Variants in UMAD1 observed in about 807,000 individuals in gnomAD.
UMAD1 encodes UBAP1-MVB12-associated (UMA) domain containing 1.
Under a neutral mutation model 6.1 loss-of-function variants are expected in UMAD1, and 8 were observed. The observed-to-expected ratio is 1.30, with a 90% CI of 0.76 to 2.35. The LOEUF (loss-of-function observed/expected upper bound fraction) is 2.35, where lower values mean the gene tolerates loss of function less well. Among genes scored for constraint, UMAD1 ranks in the 30% most tolerant of loss-of-function variants. The pLI is 0.00. For missense variants in UMAD1, 130 were observed against 78.4 expected, an observed-to-expected ratio of 1.66 and a Z score of -2.49; for synonymous variants, 56 against 31.4, an observed-to-expected ratio of 1.78 and a Z score of -2.61.
At chr7:7,875,282 A>G (rs975293408) in intron 3 of UMAD1, among the ~76,000 whole-genome samples, 2 of 152,210 alleles carry the variant, frequency 1.3e-5, no homozygotes, top group East Asian at 3.8e-4. Context: ...TAAAAGAACT[A>G]GAGAAGCAAG....
chr7:7,649,738 G>A (rs59877058), intron 1 of UMAD1, among the ~76,000 whole-genome samples: 2 of 17,958 alleles, frequency 1.1e-4, no homozygotes, highest in Non-Finnish European at 1.9e-4. Context: ...CCGAATGTTT[G>A]TCTCTCTCCC....
chr7:7,798,673 C>CA (rs937538842), intron 2 of UMAD1, among the ~76,000 whole-genome samples: 15 of 152,294 alleles, frequency 9.8e-5, no homozygotes, highest in African/African-American at 3.6e-4. Flanking sequence ...TTCCCTAACT[C>CA]AGAGTCTAGT....
chr7:7,817,392 A>G (rs915189485), intron 3 of UMAD1, among the ~76,000 whole-genome samples: 1 of 152,230 alleles, frequency 6.6e-6, no homozygotes, highest in Non-Finnish European at 1.5e-5. Flanking sequence ...GACAAAAGAC[A>G]GAAGAACTTG....
intron 2 of UMAD1, among the ~76,000 whole-genome samples, chr7:7,710,500 A>G (rs1049320456): frequency 6.6e-6 from 1 of 152,212 alleles, no homozygotes; most frequent in Non-Finnish European, 1.5e-5. Context: ...TTAAAACCAT[A>G]ATGATAGGTC....
At chr7:7,674,552 C>G (rs1198057307) in intron 2 of UMAD1, among the ~76,000 whole-genome samples, 1 of 152,178 alleles carries the variant, frequency 6.6e-6, no homozygotes, top group Non-Finnish European at 1.5e-5. Flanking sequence ...TTGTTTTCTT[C>G]AGACCAGATC....
intron 1 of UMAD1, among the ~76,000 whole-genome samples, chr7:7,652,537 G>A (rs140526027): frequency 1.8e-3 from 268 of 152,312 alleles, no homozygotes; most frequent in African/African-American, 6.1e-3. Context: ...GGTTGATGCT[G>A]GTTTTATACA....
chr7:7,727,121 A>G (rs1248106445), intron 2 of UMAD1, among the ~76,000 whole-genome samples: 2 of 152,256 alleles, frequency 1.3e-5, no homozygotes, highest in Admixed American at 6.5e-5. Flanking sequence ...CAGAATGGGT[A>G]GGATAAAAAG....
chr7:7,774,976 A>G (rs995869729), intron 2 of UMAD1, among the ~76,000 whole-genome samples: 1 of 152,024 alleles, frequency 6.6e-6, no homozygotes, highest in Admixed American at 6.6e-5. Flanking sequence ...TTTCTTCATC[A>G]ATTATTTCAT....
chr7:7,754,910 G>A (rs1219565520), intron 2 of UMAD1, among the ~76,000 whole-genome samples: 2 of 151,898 alleles, frequency 1.3e-5, no homozygotes, highest in African/African-American at 2.4e-5. Flanking sequence ...ACATCTTTTC[G>A]CAGCAACTTA....
chr7:7,790,708 A>G (rs1782552687), intron 2 of UMAD1, among the ~76,000 whole-genome samples: 1 of 152,200 alleles, frequency 6.6e-6, no homozygotes, highest in South Asian at 2.1e-4. Flanking sequence ...TTAAGGCAGT[A>G]ATTTCTCACG....
chr7:7,843,287 G>A (rs780961362), intron 3 of UMAD1, among the ~76,000 whole-genome samples: 3 of 152,172 alleles, frequency 2.0e-5, no homozygotes, highest in Admixed American at 6.5e-5. Context: ...GATTCACTGC[G>A]AAGTTGAACC....
rs1376900851 is a variant in UMAD1 at position 7,694,906 on chromosome 7, A to G, written c.82+21453A>G. 9.8e-5 allele frequency among the ~76,000 whole-genome samples: 15 copies of G among 152,304 alleles called. No homozygotes were observed. In the South Asian group the frequency reaches 2.7e-3, roughly 27 times the overall value. ...CCTTCCTTTTGGGGATACACCTAGC[A>G]GTGGGATTGTTGGATCATACGGTAG... On this transcript the variant is annotated intron_variant, in intron 2 of 3. Transcript: ENST00000682710.
At chr7:7,819,617 G>A (rs2194657) in intron 3 of UMAD1, among the ~76,000 whole-genome samples, 105,757 of 152,048 alleles carry the variant, frequency 0.7, 37,174 homozygotes, top group Non-Finnish European at 0.75. Flanking sequence ...AACCAAAACC[G>A]GTGTTTCGTG....
At chr7:7,856,665 G>A (rs776419457) in intron 3 of UMAD1, among the ~76,000 whole-genome samples, 5 of 152,072 alleles carry the variant, frequency 3.3e-5, no homozygotes, top group East Asian at 1.9e-4. Context: ...TGAGTTGACC[G>A]TATGAGATGG....
intron 2 of UMAD1, among the ~76,000 whole-genome samples, chr7:7,774,559 A>G (rs769828803): frequency 1.3e-5 from 2 of 152,208 alleles, no homozygotes; most frequent in African/African-American, 2.4e-5. Context: ...ATAGTTATGG[A>G]ACTGTTTGAC....
chr7:7,712,380 A>C (rs1780786949), intron 2 of UMAD1, among the ~76,000 whole-genome samples: 1 of 152,122 alleles, frequency 6.6e-6, no homozygotes, highest in African/African-American at 2.4e-5. Flanking sequence ...TCCTTAATAC[A>C]TTTTTGTAAA....
At chr7:7,861,552 C>T (rs761431250) in intron 3 of UMAD1, among the ~76,000 whole-genome samples, 5 of 152,224 alleles carry the variant, frequency 3.3e-5, no homozygotes, top group Non-Finnish European at 7.3e-5. Context: ...GTGTGAGTAA[C>T]ACTATCACTC....
chr7:7,697,227 T>C (rs1388144213), intron 2 of UMAD1, among the ~76,000 whole-genome samples: 4 of 152,226 alleles, frequency 2.6e-5, no homozygotes, highest in Non-Finnish European at 5.9e-5. Flanking sequence ...ACAGTCCTGA[T>C]TGGCTTTCTG....
chr7:7,656,772 C>T (rs1024018842), intron 1 of UMAD1, among the ~76,000 whole-genome samples: 2 of 152,332 alleles, frequency 1.3e-5, no homozygotes, highest in South Asian at 4.1e-4. Flanking sequence ...CTGCAATAAA[C>T]ATACGTGCGC....
Sources: gnomAD v4.1 joint callset for allele counts (sites outside exome capture counted in the v4.1 genomes callset) on GRCh38, gnomAD v4.1.1 for gene constraint, MANE v1.5 for transcripts, NCBI Gene and HGNC (gene_info 2026-07-23, HGNC 2026-07-21) for gene names.